The following CCSER1 variants were observed in gnomAD, a reference collection of about 807,000 sequenced individuals.
CCSER1 encodes the protein serine-rich coiled-coil domain-containing protein 1.
CCSER1 carries 41 observed loss-of-function variants against 82.0 expected under a neutral mutation model. That is an observed-to-expected ratio of 0.50 (90% confidence interval 0.39 to 0.65). The LOEUF is 0.65. CCSER1 is among the 30% of genes least tolerant of loss of function. The pLI, the probability that CCSER1 is intolerant of heterozygous loss-of-function variation, is 0.00. For missense variants in CCSER1, 1,119 were observed against 1,064.2 expected (o/e 1.05, Z -0.72); for synonymous variants, 414 against 383.9 (o/e 1.08, Z -0.92).
At chr4:91,457,676 AC>A (rs1353337113) in intron 10 of CCSER1, among the ~76,000 whole-genome samples, 3 of 152,142 alleles carry the variant, frequency 2.0e-5, no homozygotes, top group Non-Finnish European at 4.4e-5. Context: ...TTGAAAAAAA[AC>A]ATAAAATAAA....
chr4:90,383,190 G>C (rs1434705754), intron 3 of CCSER1, among the ~76,000 whole-genome samples: 1 of 151,992 alleles, frequency 6.6e-6, no homozygotes, highest in Non-Finnish European at 1.5e-5. Context: ...GAGAAATTTG[G>C]CTAAATTTGC....
At chr4:91,046,780 C>T (rs190973660) in intron 9 of CCSER1, among the ~76,000 whole-genome samples, 8 of 152,004 alleles carry the variant, frequency 5.3e-5, no homozygotes, top group Admixed American at 3.3e-4. Flanking sequence ...TGCAGTGGCA[C>T]GATCTCGGCT....
At chr4:91,214,361 A>G (rs533258430) in intron 10 of CCSER1, among the ~76,000 whole-genome samples, 3 of 152,308 alleles carry the variant, frequency 2.0e-5, no homozygotes. Context: ...ACCCTAGACG[A>G]ACACCCTATA....
At chr4:90,617,509 C>T (rs1380395421) in intron 5 of CCSER1, among the ~76,000 whole-genome samples, 1 of 152,088 alleles carries the variant, frequency 6.6e-6, no homozygotes, top group Non-Finnish European at 1.5e-5. Flanking sequence ...ACTGAGATAA[C>T]AGTCAAAGAA....
intron 1 of CCSER1, among the ~76,000 whole-genome samples, chr4:90,159,634 T>G (rs1220499723): frequency 6.6e-6 from 1 of 152,252 alleles, no homozygotes; most frequent in Non-Finnish European, 1.5e-5. Context: ...TCAAAGCTTT[T>G]TATCTTGCAG....
intron 4 of CCSER1, among the ~76,000 whole-genome samples, chr4:90,416,912 C>G (rs1483413616): frequency 6.6e-6 from 1 of 151,504 alleles, no homozygotes; most frequent in Non-Finnish European, 1.5e-5. Flanking sequence ...ATGGATGAAG[C>G]TGAAAACCAT....
At chr4:91,220,850 A>T (rs1172130977) in intron 10 of CCSER1, among the ~76,000 whole-genome samples, 1 of 152,188 alleles carries the variant, frequency 6.6e-6, no homozygotes, top group Non-Finnish European at 1.5e-5. Flanking sequence ...TAAGCACTTC[A>T]CTATATATAC....
chr4:91,312,119 A>T lies in CCSER1; in HGVS notation c.2217+226125A>T, dbSNP rs1745523677. Among the ~76,000 whole-genome samples, 3 of 151,884 alleles carry T rather than the reference A, an allele frequency of 2.0e-5. No individual in the cohort carries two copies. In the South Asian group the frequency reaches 6.2e-4, roughly 31 times the overall value. ...AGGTTCAGTTTATAACAAGTATACA[A>T]ATTTATATTGTAGTGCATATTCTAG... On this transcript the variant is annotated intron_variant, in intron 10 of 10. Transcript: ENST00000509176.
intron 7 of CCSER1, among the ~76,000 whole-genome samples, chr4:90,770,012 CT>C (rs1474175195): frequency 6.6e-6 from 1 of 152,138 alleles, no homozygotes; most frequent in East Asian, 1.9e-4. Flanking sequence ...ACTGCTGAGA[CT>C]AGGTTTTGAA....
chr4:91,498,048 CA>C (rs1396719584), intron 10 of CCSER1, among the ~76,000 whole-genome samples: 3 of 151,978 alleles, frequency 2.0e-5, no homozygotes, highest in Non-Finnish European at 4.4e-5. Context: ...TTAAGAAGCA[CA>C]GCTTCGCTGT....
chr4:91,596,026 T>A (rs565353339), intron 10 of CCSER1, among the ~76,000 whole-genome samples: 8 of 151,534 alleles, frequency 5.3e-5, no homozygotes, highest in African/African-American at 1.9e-4. Flanking sequence ...CATAAATGGT[T>A]GATTTAAATG....
At chr4:90,659,013 A>G (rs901173287) in intron 6 of CCSER1, among the ~76,000 whole-genome samples, 1 of 151,810 alleles carries the variant, frequency 6.6e-6, no homozygotes, top group African/African-American at 2.4e-5. Context: ...AGTTTTAGAA[A>G]TAACAAAAAG....
At chr4:90,911,462 C>A in intron 8 of CCSER1, 1 of 324,072 alleles carries the variant, frequency 3.1e-6, no homozygotes, top group South Asian at 2.5e-5. Context: ...CTCTCTGTGT[C>A]TCTCTTGCTT....
chr4:91,234,983 G>A (rs1738893462), intron 10 of CCSER1, among the ~76,000 whole-genome samples: 1 of 151,942 alleles, frequency 6.6e-6, no homozygotes. Context: ...TAGAGGTTAA[G>A]AGTGCCAACT....
At chr4:91,162,191 T>C (rs1245001554) in intron 10 of CCSER1, among the ~76,000 whole-genome samples, 1 of 152,162 alleles carries the variant, frequency 6.6e-6, no homozygotes, top group Non-Finnish European at 1.5e-5. Flanking sequence ...GAGATAATCA[T>C]GTGGTTTTTG....
intron 9 of CCSER1, among the ~76,000 whole-genome samples, chr4:91,081,148 A>C (rs1433356321): frequency 6.6e-6 from 1 of 152,208 alleles, no homozygotes; most frequent in African/African-American, 2.4e-5. Context: ...ACATCGATGC[A>C]AAAATCCTCA....
intron 10 of CCSER1, among the ~76,000 whole-genome samples, chr4:91,243,476 G>T (rs1739530680): frequency 6.6e-6 from 1 of 152,156 alleles, no homozygotes; most frequent in African/African-American, 2.4e-5. Context: ...TCAACTCCAG[G>T]CAGTCCAGCT....
chr4:91,198,021 G>A (rs1735592364), intron 10 of CCSER1, among the ~76,000 whole-genome samples: 1 of 151,964 alleles, frequency 6.6e-6, no homozygotes, highest in Non-Finnish European at 1.5e-5. Context: ...GTAAAGCTTA[G>A]TCTAAACTGT....
At chr4:91,260,021 T>C (rs1740984924) in intron 10 of CCSER1, among the ~76,000 whole-genome samples, 1 of 152,230 alleles carries the variant, frequency 6.6e-6, no homozygotes. Flanking sequence ...AGTATGTTTA[T>C]ACTTTCCTGT....
Sources: gnomAD v4.1 joint callset for allele counts (sites outside exome capture counted in the v4.1 genomes callset) on GRCh38, gnomAD v4.1.1 for gene constraint, MANE v1.5 for transcripts, NCBI Gene and HGNC (gene_info 2026-07-23, HGNC 2026-07-21) for gene names.